The following CDK17 variants were observed in gnomAD, a reference collection of about 807,000 sequenced individuals.
CDK17 encodes the protein cyclin-dependent kinase 17.
CDK17 carries 24 observed loss-of-function variants against 77.6 expected under a neutral mutation model. That is an observed-to-expected ratio of 0.31 (90% CI 0.22 to 0.44). CDK17 has a LOEUF of 0.44. CDK17 is among the 20% of genes least tolerant of loss of function. CDK17 has a pLI of 1.00. For missense variants in CDK17, 429 were observed against 622.5 expected, an observed-to-expected ratio of 0.69 and a Z score of 3.31; for synonymous variants, 203 against 210.4, an observed-to-expected ratio of 0.96 and a Z score of 0.30.
Position 96,382,150 on chromosome 12 carries a change from C to G in CDK17, c.-30+17836G>C, listed in dbSNP as rs183586480. Among the ~76,000 whole-genome samples, 228 of 152,032 alleles carry G rather than the reference C, an allele frequency of 1.5e-3. 2 individuals carry two copies. Among genetic ancestry groups the G allele is most frequent in the South Asian group, 5.6e-3 (27 of 4,816 alleles). On this transcript the variant is annotated intron_variant, in intron 1 of 16. Coordinates refer to ENST00000261211, the MANE Select transcript of CDK17 (RefSeq NM_002595.5). The stretch of plus-strand genomic sequence containing the variant: ...GGGTGGGAAAGGGATATCGCATGTT[C>G]AAGTTTGTCACAGCACCGATTTAAA...
chr12:96,295,265 T>C, intron 9 of CDK17, 143 bp from the exon 10 acceptor site: 1 of 535,108 alleles, frequency 1.9e-6, no homozygotes, highest in Non-Finnish European at 3.2e-6. Flanking sequence ...GTACAATGTC[T>C]TTTTCCTTTT....
intron 1 of CDK17, among the ~76,000 whole-genome samples, chr12:96,371,107 T>C (rs1251687833): frequency 6.6e-6 from 1 of 152,014 alleles, no homozygotes; most frequent in Admixed American, 6.6e-5. Context: ...AATCTTTGTG[T>C]CCCTCCCTGC....
chr12:96,299,331 TAATTGA>T (rs1352034985), intron 6 of CDK17, among the ~76,000 whole-genome samples: 1 of 152,116 alleles, frequency 6.6e-6, no homozygotes, highest in African/African-American at 2.4e-5. Flanking sequence ...TGATGGACAC[TAATTGA>T]ACATATTAAT....
At chr12:96,353,540 C>T (rs1156736015) in intron 1 of CDK17, among the ~76,000 whole-genome samples, 2 of 150,532 alleles carry the variant, frequency 1.3e-5, no homozygotes, top group Non-Finnish European at 2.9e-5. Context: ...AAATAAGGAG[C>T]CAGAAGTTTT....
chr12:96,377,764 G>GCTCA (rs1461322579), intron 1 of CDK17, among the ~76,000 whole-genome samples: 1 of 149,358 alleles, frequency 6.7e-6, no homozygotes, highest in Non-Finnish European at 1.5e-5. Flanking sequence ...TGCGATCTCG[G>GCTCA]CTCACTGCAA....
intron 11 of CDK17, among the ~76,000 whole-genome samples, chr12:96,288,162 A>C (rs1952270547): frequency 6.6e-6 from 1 of 152,110 alleles, no homozygotes; most frequent in South Asian, 2.1e-4. Flanking sequence ...CTGTACACTT[A>C]AATTGGTTAA....
intron 1 of CDK17, among the ~76,000 whole-genome samples, chr12:96,396,586 G>A (rs958716690): frequency 6.6e-6 from 1 of 152,022 alleles, no homozygotes; most frequent in African/African-American, 2.4e-5. Context: ...TTTAAATACC[G>A]ATTTCCTGTT....
At chr12:96,327,881 T>TTAA (rs1421513631) in intron 2 of CDK17, among the ~76,000 whole-genome samples, 4 of 152,170 alleles carry the variant, frequency 2.6e-5, no homozygotes, top group African/African-American at 7.2e-5. Context: ...AGATCAACTG[T>TTAA]TAAACATATA....
intron 14 of CDK17, 78 bp downstream of exon 14, chr12:96,283,525 T>G (rs1952205444): frequency 1.3e-6 from 1 of 797,602 alleles, no homozygotes; most frequent in South Asian, 1.5e-5. Flanking sequence ...ACCGAGGAAG[T>G]ACTACTGAGC....
At chr12:96,317,016 G>A (rs1280922796) in intron 3 of CDK17, among the ~76,000 whole-genome samples, 11 of 141,760 alleles carry the variant, frequency 7.8e-5, no homozygotes, top group Admixed American at 2.9e-4. Flanking sequence ...TCTGAGCTAC[G>A]GGAGGACATT....
chr12:96,356,129 G>A (rs531628427), intron 1 of CDK17, among the ~76,000 whole-genome samples: 10 of 152,224 alleles, frequency 6.6e-5, no homozygotes, highest in Middle Eastern at 6.8e-3. Context: ...AGTCTTGGGA[G>A]GTGTTATATC....
At position 96,300,310 on chromosome 12, in the gene CDK17, A is replaced by C; in HGVS notation, c.594T>G (p.Leu198=). 2 of 1,594,302 alleles carry C rather than the reference A, an allele frequency of 1.3e-6. No individual in the cohort carries two copies. Among genetic ancestry groups the C allele is most frequent in the Non-Finnish European group, 1.7e-6 (2 of 1,166,716 alleles). The change falls in exon 6 of 17, where the codon CTT becomes CTG. Residue 198 remains leucine, a synonymous_variant. Coordinates refer to ENST00000261211, the MANE Select transcript of CDK17 (RefSeq NM_002595.5). ...TTTTGAGATATTTACTTACCTCTCC[A>C]AGCTTTTCCAATTTGATGTAGGTTT... ...KMETYIKLEK[L]GEGTYATVYK...
At chr12:96,368,225 C>T (rs1451683159) in intron 1 of CDK17, among the ~76,000 whole-genome samples, 1 of 152,082 alleles carries the variant, frequency 6.6e-6, no homozygotes, top group Non-Finnish European at 1.5e-5. Context: ...TCTGAATCTA[C>T]CTAAGTTATA....
In CDK17 at chr12:96,389,026, T is replaced by A. The variant is rs577267854; in HGVS notation, c.-30+10960A>T. Among the ~76,000 whole-genome samples, 681 of 150,996 alleles carry A rather than the reference T, an allele frequency of 4.5e-3. 5 individuals are homozygous for A. Among genetic ancestry groups the A allele is most frequent in the Middle Eastern group, 0.031 (9 of 288 alleles). ...TACCTCCCACCAGGCCTCACTTTTT[T>A]TTATTATTATTATTATTATTTTTTG... On this transcript the variant is annotated intron_variant, in intron 1 of 16. Coordinates refer to ENST00000261211, the MANE Select transcript of CDK17 (RefSeq NM_002595.5).
intron 5 of CDK17, among the ~76,000 whole-genome samples, chr12:96,301,221 A>AC (rs201736076): frequency 2.7e-4 from 24 of 89,098 alleles, no homozygotes; most frequent in African/African-American, 8.4e-4. Flanking sequence ...TTCTGGCTAC[A>AC]CCCCCCCTCA....
intron 1 of CDK17, among the ~76,000 whole-genome samples, chr12:96,395,624 C>A (rs1954156508): frequency 6.6e-6 from 1 of 152,158 alleles, no homozygotes; most frequent in African/African-American, 2.4e-5. Flanking sequence ...ATGTTATGGA[C>A]TGAAGATCTG....
chr12:96,354,743 G>A (rs1953368785), intron 1 of CDK17, among the ~76,000 whole-genome samples: 2 of 151,984 alleles, frequency 1.3e-5, no homozygotes, highest in Non-Finnish European at 1.5e-5. Flanking sequence ...AATTAGCCAG[G>A]CAGGGTGGCA....
intron 2 of CDK17, among the ~76,000 whole-genome samples, chr12:96,327,997 T>G (rs1429538608): frequency 6.6e-6 from 1 of 152,180 alleles, no homozygotes; most frequent in Non-Finnish European, 1.5e-5. Flanking sequence ...CATGGCCTGT[T>G]AGGAACCAGG....
chr12:96,381,475 A>G (rs1029970687), intron 1 of CDK17, among the ~76,000 whole-genome samples: 3 of 152,060 alleles, frequency 2.0e-5, no homozygotes, highest in African/African-American at 7.2e-5. Flanking sequence ...ACATACCTAC[A>G]GTTCAAATTT....
Sources: gnomAD v4.1 joint callset for allele counts (sites outside exome capture counted in the v4.1 genomes callset) on GRCh38, gnomAD v4.1.1 for gene constraint, MANE v1.5 for transcripts, NCBI Gene and HGNC (gene_info 2026-07-23, HGNC 2026-07-21) for gene names.